TTN: variants seen among roughly 807,000 people sequenced by gnomAD.
TTN encodes titin.
Under a neutral mutation model 3,223.0 loss-of-function variants are expected in TTN, and 1,525 were observed. The ratio of observed to expected loss-of-function variants is 0.47; its 90% CI spans 0.45 to 0.49. The LOEUF is 0.49. TTN is among the 20% of genes least tolerant of loss of function. The probability of loss-of-function intolerance (pLI) is 0.00; values close to 1 mark genes in which losing one functional copy is unlikely to be tolerated. For missense variants in TTN, 40,786 were observed against 43,424.0 expected, an observed-to-expected ratio of 0.94 and a Z score of 5.40; for synonymous variants, 14,094 against 15,161.0, an observed-to-expected ratio of 0.93 and a Z score of 5.17.
In TTN at chr2:178,731,303, AC is replaced by A; in HGVS notation, c.17461+1del. Reference sequence around the variant, plus strand: ...AACCCAAGGCAAACGTTCTGAACCAACCTTTTACTGAGAGTAATGCAGAACA... The same window carrying A: ...AACCCAAGGCAAACGTTCTGAACCAACTTTTACTGAGAGTAATGCAGAACA... On this transcript the variant is annotated splice_donor_variant, in intron 59 of 362. Transcript: ENST00000589042. LOFTEE classifies it high-confidence loss of function. The A allele has an allele frequency of 6.2e-7, 1 of 1,613,592 alleles. No homozygotes were observed. The highest frequency in any genetic ancestry group is 1.1e-5 in the South Asian group (1 of 91,060).
In TTN at chr2:178,545,944, G is replaced by C; in HGVS notation, c.95292C>G (p.Thr31764=). ...TGAGCCTGGTAACGACATAGGATAG[G>C]GTTGGGCATTCGCCTTCAACAATCA... ...NWVIVEGECP[T]LSYVVTRLIK... The change falls in exon 343 of 363, where the codon ACC becomes ACG. Residue 31764 remains threonine, a synonymous_variant. Transcript: ENST00000589042. The C allele has an allele frequency of 6.2e-7, 1 of 1,613,828 alleles. No homozygotes were observed.
Position 178,776,869 on chromosome 2 carries a change from C to T in TTN, c.4995G>A (p.Gly1665=), listed in dbSNP as rs755324231. The change falls in exon 28 of 363, where the codon GGG becomes GGA. Residue 1665 remains glycine (G), a synonymous_variant. Coordinates refer to ENST00000589042, the MANE Select transcript of TTN (RefSeq NM_001267550.2). ...EPERKLIIPR[G]TYRAKEIAAP... is the part of the protein sequence containing the mutation. ...CTGCAATCTCCTTTGCTCTATATGT[C>T]CCCCGTGGGATGATTAACTTTCTCT... is the stretch of plus-strand genomic sequence containing the variant. 6 of 1,613,442 alleles carry T rather than the reference C, an allele frequency of 3.7e-6. No homozygotes were observed. The African/African-American group carries it at 4.0e-5, about 11-fold the overall frequency.
intron 125 of TTN, 45 bp downstream of exon 125, chr2:178,689,008 T>A (rs1277521027): frequency 7.3e-6 from 8 of 1,093,858 alleles, no homozygotes; most frequent in Non-Finnish European, 9.8e-6. Flanking sequence ...CGAAGATTTT[T>A]TTTTTTTTTT....
At chr2:178,581,416 A>G (rs2047713848) in intron 316 of TTN, 83 bp downstream of exon 316, 8 of 1,182,084 alleles carry the variant, frequency 6.8e-6, no homozygotes, top group South Asian at 1.9e-5. Context: ...TTAATAAATT[A>G]ATCTACCTAA....
rs1043582121 is a variant in TTN at position 178,550,209 on chromosome 2, G to C, written c.91629C>G (p.Ser30543Arg). ...FDGLIIKSGE[S>R]LRIKALVQGR... ...CTTGTACCAAAGCTTTAATTCTAAG[G>C]CTCTCTCCGGACTTAATAATGAGAC... Residue 30543 changes from serine (S) to arginine (R), a missense_variant, in exon 337 of 363, where the codon AGC becomes AGG. Transcript: ENST00000589042. 6 of 1,613,542 alleles carry C rather than the reference G, an allele frequency of 3.7e-6. No homozygotes were observed. Among genetic ancestry groups the C allele is most frequent in the Admixed American group, 3.3e-5 (2 of 59,996 alleles).
chr2:178,788,652 T>C (rs940426973), intron 13 of TTN, among the ~76,000 whole-genome samples: 1 of 152,106 alleles, frequency 6.6e-6, no homozygotes, highest in African/African-American at 2.4e-5. Context: ...TACAATTAGG[T>C]AAATGGCTCA....
Position 178,635,261 on chromosome 2 carries a change from A to T in TTN, c.41928T>A (p.Ile13976=). 1 of 1,613,262 alleles carries T rather than the reference A, an allele frequency of 6.2e-7. No homozygotes were observed. ...ELLKPIEDVT[I]YEKESASFDA... is the part of the protein sequence containing the mutation. ...CAAAGCTTGCACTTTCTTTCTCATA[A>T]ATGGTAACGTCCTCTATTGGTTTAA... is the stretch of plus-strand genomic sequence containing the variant. Residue 13976 remains isoleucine (I), a synonymous_variant, in exon 228 of 363, where the codon ATT becomes ATA. Transcript: ENST00000589042.
In TTN at chr2:178,589,447, C is replaced by T; in HGVS notation, c.62278G>A (p.Val20760Ile). The change falls in exon 304 of 363, where the codon GTT becomes ATT. Residue 20760 changes from valine to isoleucine, a missense_variant. Val to Ile is a conservative substitution (Grantham distance 29). Transcript: ENST00000589042. ...GESDWVKTEE[V>I]VVKEDLQKPV... Reference sequence around the variant, plus strand: ...TTTTGTAAGTCTTCTTTCACAACAACTTCCTCTGTCTTCACCCAGTCACTT... The same window carrying T: ...TTTTGTAAGTCTTCTTTCACAACAATTTCCTCTGTCTTCACCCAGTCACTT... 1.2e-6 allele frequency: 2 copies of T among 1,613,402 alleles called. No individual in the cohort carries two copies. Among genetic ancestry groups the T allele is most frequent in the Non-Finnish European group, 1.7e-6 (2 of 1,179,620 alleles).
At chr2:178,748,913 G>A (rs990157560) in intron 47 of TTN, 2 of 1,612,254 alleles carry the variant, frequency 1.2e-6, no homozygotes, top group Admixed American at 1.7e-5. Context: ...TTGCTTTAAT[G>A]AAAAGGCTTT....
rs762477241 is a variant in TTN, at chr2:178,547,776, CAG to C, written c.93848_93849del (p.Ser31283TrpfsTer14). On this transcript the variant is annotated frameshift_variant, in exon 339 of 363. Transcript: ENST00000589042. LOFTEE classifies it high-confidence loss of function. Reference sequence around the variant, plus strand: ...TTTTCCAGGGTCAAGAAGTATCTTCCAGAGTCACCTCTCATGCTGTCCTTTAC... The same window carrying C: ...TTTTCCAGGGTCAAGAAGTATCTTCCAGTCACCTCTCATGCTGTCCTTTAC... ...LTVKDSMRGD[S>X]GRYFLTLENT... 1 of 1,613,912 alleles carries C rather than the reference CAG, an allele frequency of 6.2e-7. No homozygotes were observed. The highest frequency in any genetic ancestry group is 8.5e-7 in the Non-Finnish European group (1 of 1,179,850).
rs796538475 is a variant in TTN at position 178,631,063 on chromosome 2, T to G, written c.43985A>C (p.Asp14662Ala). The stretch of plus-strand genomic sequence containing the variant: ...AATGTCAAGTTTTCCTGAGGTCTTA[T>G]CTGTCCCACAGTCACAGGTGTACTG... ...IGQYTCDCGTDKTSGKLDIED... is the reference protein window; with the variant it reads ...IGQYTCDCGTAKTSGKLDIED... Residue 14662 changes from aspartate to alanine, a missense_variant, in exon 237 of 363, where the codon GAT becomes GCT. Transcript: ENST00000589042. The G allele has an allele frequency of 8.7e-6, 14 of 1,613,178 alleles. No individual in the cohort carries two copies. Among genetic ancestry groups the G allele is most frequent in the Non-Finnish European group, 1.1e-5 (13 of 1,179,586 alleles).
Position 178,793,515 on chromosome 2 carries a change from A to G in TTN, c.1425T>C (p.Ala475=), listed in dbSNP as rs1357589778. The G allele has an allele frequency of 6.2e-7, 1 of 1,614,066 alleles. No individual in the cohort carries two copies. The highest frequency in any genetic ancestry group is 1.3e-5 in the African/African-American group (1 of 75,054). The change falls in exon 9 of 363, where the codon GCT becomes GCC. Residue 475 remains alanine, a synonymous_variant. Transcript: ENST00000589042. ...EQVRKEAEKT[A]VTKVVVAADK... is the part of the protein sequence containing the mutation. Reference sequence around the variant, plus strand: ...CGGCGGCCACTACTACCTTAGTTACAGCAGTCTTCTCCGCTTCCTTTCTTA... The same window carrying G: ...CGGCGGCCACTACTACCTTAGTTACGGCAGTCTTCTCCGCTTCCTTTCTTA...
chr2:178,542,185 G>A, intron 349 of TTN, 79 bp downstream of exon 349: 1 of 1,366,368 alleles, frequency 7.3e-7, no homozygotes, highest in Non-Finnish European at 1.0e-6. Flanking sequence ...TTACATTAGG[G>A]CATATTAAAA....
Position 178,591,619 on chromosome 2 carries a change from A to G in TTN, c.60200T>C (p.Ile20067Thr), listed in dbSNP as rs373690962. The G allele has an allele frequency of 5.0e-6, 8 of 1,612,646 alleles. No individual in the cohort carries two copies. The highest frequency in any genetic ancestry group is 4.5e-5 in the East Asian group (2 of 44,818). The change falls in exon 303 of 363, where the codon ATA (isoleucine) becomes ACA (threonine). Residue 20067 changes from isoleucine (I) to threonine (T), a missense_variant. By Grantham distance (89) the Ile-to-Thr change is moderately conservative. Transcript: ENST00000589042. ...GLGLPDTTIP[I>T]ECQEKLVPPS... ...ATTACCTAGTTTTTCTTGACATTCT[A>G]TCGGGATAGTTGTGTCAGGGAGACC... is the stretch of plus-strand genomic sequence containing the variant.
chr2:178,684,460 A>G lies in TTN; in HGVS notation c.32639-47T>C, dbSNP rs2070296549. The stretch of plus-strand genomic sequence containing the variant: ...TAGGGAGTTATATCAAAGTGGACGT[A>G]AAAAATATACTAGCCAGAAAGTACT... On this transcript the variant is annotated intron_variant, in intron 131 of 362. Coordinates refer to ENST00000589042, the MANE Select transcript of TTN (RefSeq NM_001267550.2). 3 of 1,573,328 alleles carry G rather than the reference A, an allele frequency of 1.9e-6. No individual in the cohort carries two copies. The East Asian group carries it at 6.7e-5, about 35-fold the overall frequency.
intron 149 of TTN, chr2:178,675,342 T>C: frequency 2.6e-6 from 1 of 388,580 alleles, no homozygotes; most frequent in East Asian, 3.9e-5. Context: ...GGAGCCTCTA[T>C]TTCTTTTTTC....
intron 135 of TTN, 90 bp from the exon 136 acceptor site, chr2:178,681,828 C>G: frequency 1.7e-6 from 2 of 1,155,520 alleles, no homozygotes; most frequent in Non-Finnish European, 2.4e-6. Context: ...GAAATAATAT[C>G]TTTTATCTAC....
chr2:178,741,963 A>G (rs775397210), intron 47 of TTN, 42 bp from the exon 48 acceptor site: 1 of 1,294,004 alleles, frequency 7.7e-7, no homozygotes, highest in East Asian at 2.8e-5. Flanking sequence ...ATAAAATTTT[A>G]TTTAATATAA....
chr2:178,802,055 A>G, intron 3 of TTN, 83 bp downstream of exon 3: 1 of 1,553,086 alleles, frequency 6.4e-7, no homozygotes, highest in Non-Finnish European at 8.9e-7. Context: ...ACCTCTGCCC[A>G]TAGCTTTTTC....
Sources: allele counts gnomAD v4.1 joint callset (sites outside exome capture counted in the v4.1 genomes callset), GRCh38; gene constraint gnomAD v4.1.1; transcripts MANE v1.5; gene names NCBI Gene and HGNC (gene_info 2026-07-23, HGNC 2026-07-21).